Variants in PRH1 observed in about 807,000 individuals in gnomAD.
The protein encoded by PRH1 is salivary acidic proline-rich phosphoprotein 1/2.
Under a neutral mutation model 7.9 loss-of-function variants are expected in PRH1, and 7 were observed. That is an observed-to-expected ratio of 0.89 (90% CI 0.50 to 1.67). The LOEUF (loss-of-function observed/expected upper bound fraction) is 1.67. Ranked by LOEUF, PRH1 falls within the 40% of genes most tolerant of loss-of-function variation. PRH1 has a pLI of 0.00. For missense variants in PRH1, 109 were observed against 223.6 expected, an observed-to-expected ratio of 0.49 and a Z score of 3.27; for synonymous variants, 45 against 80.8, an observed-to-expected ratio of 0.56 and a Z score of 2.38.
intron 1 of PRH1, among the ~76,000 whole-genome samples, chr12:11,126,608 T>C (rs1461364899): frequency 2.0e-5 from 3 of 146,868 alleles, no homozygotes; most frequent in African/African-American, 4.9e-5. Context: ...CTGATAAGAG[T>C]GCAATAGTGG....
chr12:11,136,725 T>C (rs6488346), intron 1 of PRH1, among the ~76,000 whole-genome samples: 44,064 of 152,082 alleles, frequency 0.29, 8,267 homozygotes, highest in East Asian at 0.74. Context: ...TTCAACTTAA[T>C]ATTTTCAATA....
At chr12:10,961,945 C>T (rs113036910) in intron 2 of PRH1, among the ~76,000 whole-genome samples, 22 of 152,316 alleles carry the variant, frequency 1.4e-4, no homozygotes, top group African/African-American at 4.6e-4. Context: ...AACAGAGTCA[C>T]ATACACACAA....
intron 2 of PRH1, among the ~76,000 whole-genome samples, chr12:10,935,426 G>A (rs748362221): frequency 2.0e-5 from 3 of 152,032 alleles, no homozygotes; most frequent in Non-Finnish European, 4.4e-5. Context: ...AGGAACATTT[G>A]AGAACCATTT....
At chr12:10,924,322 A>C (rs929049298) in intron 2 of PRH1, among the ~76,000 whole-genome samples, 1 of 152,194 alleles carries the variant, frequency 6.6e-6, no homozygotes, top group South Asian at 2.1e-4. Flanking sequence ...CTATTTTTAT[A>C]TAACAAATCA....
At position 11,106,028 on chromosome 12, in the gene PRH1, C is replaced by T. The variant is rs554061878; in HGVS notation, n.124-58840G>A. On this transcript the variant is annotated intron_variant and non_coding_transcript_variant, in intron 1 of 4. Coordinates refer to the PRH1 transcript ENST00000541977. ...CTATCCCGGCTCACTGCAAGCTCCGCCTCTTGGGTTCATGCCATTCTCCTG... is the reference window on the plus strand; with the variant it reads ...CTATCCCGGCTCACTGCAAGCTCCGTCTCTTGGGTTCATGCCATTCTCCTG... Among the ~76,000 whole-genome samples, 19 of 69,620 alleles carry T rather than the reference C, an allele frequency of 2.7e-4. 2 individuals are homozygous for T. The East Asian group carries it at 5.0e-3, about 18-fold the overall frequency. 45.7% of individuals were successfully genotyped at this position (69,620 alleles called of 152,430 possible). A position where few individuals can be genotyped will look rare whatever the true frequency, so the allele number is the denominator to read the frequency against.
chr12:11,030,874 C>G (rs760783941), intron 1 of PRH1: 3 of 1,614,164 alleles, frequency 1.9e-6, no homozygotes, highest in Non-Finnish European at 2.5e-6. Flanking sequence ...ATTCTTTTGT[C>G]CGTACAATCT....
intron 1 of PRH1, among the ~76,000 whole-genome samples, chr12:11,054,471 T>A (rs1943274899): frequency 6.6e-6 from 1 of 152,208 alleles, no homozygotes; most frequent in African/African-American, 2.4e-5. Context: ...TCAAAGTAGT[T>A]ACACTAAATA....
At position 10,929,401 on chromosome 12, in the gene PRH1, G is replaced by A. The variant is rs749253372; in HGVS notation, c.-59+44254C>T. The A allele has an allele frequency of 3.1e-6, 5 of 1,596,826 alleles. No homozygotes were observed. The Admixed American group carries it at 6.7e-5, about 21-fold the overall frequency. On this transcript the variant is annotated intron_variant, in intron 2 of 3. Transcript: ENST00000539853. ...GGGTTTACGGGCGAATGCTATAGAG[G>A]GGGAAAGTGGAGGGAAGAGAGGAGG...
At chr12:11,087,438 C>T (rs1656625667) in intron 1 of PRH1, among the ~76,000 whole-genome samples, 1 of 116,614 alleles carries the variant, frequency 8.6e-6, no homozygotes, top group Non-Finnish European at 2.0e-5. Flanking sequence ...AGAGCTTTGG[C>T]TCATGTCCAT....
rs1373389267 is a variant in PRH1 at position 11,078,161 on chromosome 12, C to T, written n.124-30973G>A. 5.5e-5 allele frequency: 30 copies of T among 546,006 alleles called. 1 individual carries two copies. Among genetic ancestry groups the T allele is most frequent in the South Asian group, 4.3e-4 (24 of 55,360 alleles). The allele number at this position is 546,006 out of a possible 1,614,324, so 33.8% of individuals were successfully genotyped here. ...ACCCAGTCAATGACATTTACTAGAG[C>T]TATGAAGCCATTGGAAAAATTTCCA... On this transcript the variant is annotated intron_variant and non_coding_transcript_variant, in intron 1 of 4. Transcript: ENST00000541977.
rs71051557 is a variant in PRH1, at chr12:11,042,623, C to CTTTTTTTTTTTTTTTTTTTTTTTTT, written c.-126+4396_-126+4397insAAAAAAAAAAAAAAAAAAAAAAAAA. Among the ~76,000 whole-genome samples the CTTTTTTTTTTTTTTTTTTTTTTTTT allele has an allele frequency of 2.0e-4, 16 of 79,310 alleles. 2 individuals are homozygous for CTTTTTTTTTTTTTTTTTTTTTTTTT. The highest frequency in any genetic ancestry group is 2.7e-4 in the Non-Finnish European group (12 of 43,794). The allele number at this position is 79,310 out of a possible 152,430, so 52.0% of individuals were successfully genotyped here. ...AAGAGGGACTACTTCCAGGCTCATT[C>CTTTTTTTTTTTTTTTTTTTTTTTTT]TTTTTTTTTTTTTTTTTTTTTTTTG... is the stretch of plus-strand genomic sequence containing the variant. On this transcript the variant is annotated intron_variant, in intron 1 of 3. Transcript: ENST00000539853.
intron 2 of PRH1, among the ~76,000 whole-genome samples, chr12:10,940,138 A>T (rs1950374588): frequency 6.6e-6 from 1 of 152,196 alleles, no homozygotes. Context: ...GGAAGACATT[A>T]TTCCTAGAAT....
At chr12:11,002,298 C>T (rs1171151950) in intron 1 of PRH1, among the ~76,000 whole-genome samples, 2 of 152,074 alleles carry the variant, frequency 1.3e-5, no homozygotes, top group African/African-American at 4.8e-5. Context: ...ATCATGTTTT[C>T]TAAGTGCTGC....
At chr12:11,158,086 A>C (rs2136446011) in intron 1 of PRH1, among the ~76,000 whole-genome samples, 2 of 152,272 alleles carry the variant, frequency 1.3e-5, no homozygotes, top group Middle Eastern at 6.8e-3. Context: ...TTTTCCCTTT[A>C]TTCCATTTTT....
At chr12:11,150,657 C>T (rs893117022) in intron 1 of PRH1, among the ~76,000 whole-genome samples, 7 of 151,880 alleles carry the variant, frequency 4.6e-5, no homozygotes, top group Non-Finnish European at 8.8e-5. Flanking sequence ...ACATCACATT[C>T]TGGGGACAGT....
intron 1 of PRH1, among the ~76,000 whole-genome samples, chr12:11,083,542 A>ATAAAC (rs796086246): frequency 6.6e-6 from 1 of 150,902 alleles, no homozygotes; most frequent in Non-Finnish European, 1.5e-5. Flanking sequence ...ACATACATAT[A>ATAAAC]TATATAAAGT....
chr12:11,078,399 C>T (rs1362852785), intron 1 of PRH1: 1 of 223,700 alleles, frequency 4.5e-6, no homozygotes, highest in Non-Finnish European at 9.2e-6. Flanking sequence ...AGGAAAGCAC[C>T]AGCCTATGCT....
intron 2 of PRH1, among the ~76,000 whole-genome samples, chr12:10,926,603 A>T (rs1395264460): frequency 6.6e-6 from 1 of 152,218 alleles, no homozygotes; most frequent in Non-Finnish European, 1.5e-5. Context: ...TACTGGGGGA[A>T]GAATGTTACC....
chr12:11,112,719 C>A (rs370272378), intron 1 of PRH1, among the ~76,000 whole-genome samples: 1 of 152,190 alleles, frequency 6.6e-6, no homozygotes. Flanking sequence ...AAACGGGAAG[C>A]ATTCCCTTTG....
Sources: gnomAD v4.1 joint callset for allele counts (sites outside exome capture counted in the v4.1 genomes callset) on GRCh38, gnomAD v4.1.1 for gene constraint, MANE v1.5 for transcripts, NCBI Gene and HGNC (gene_info 2026-07-23, HGNC 2026-07-21) for gene names.